The following CNTN4 variants were observed in gnomAD, a reference collection of about 807,000 sequenced individuals.
CNTN4 encodes the protein contactin 4, also known as contactin-4.
Under a neutral mutation model 122.5 loss-of-function variants are expected in CNTN4, and 77 were observed. The observed-to-expected ratio is 0.63, with a 90% CI of 0.52 to 0.76. The LOEUF (loss-of-function observed/expected upper bound fraction) is 0.76. Ranked by LOEUF, CNTN4 falls within the 30% of genes least tolerant of loss-of-function variation. The pLI is 0.00. For missense variants in CNTN4, 1,256 were observed against 1,259.1 expected, an observed-to-expected ratio of 1.00 and a Z score of 0.04; for synonymous variants, 512 against 447.0, an observed-to-expected ratio of 1.15 and a Z score of -1.83.
chr3:2,628,418 G>T (rs2082291992), intron 4 of CNTN4, among the ~76,000 whole-genome samples: 1 of 152,180 alleles, frequency 6.6e-6, no homozygotes, highest in Non-Finnish European at 1.5e-5. Flanking sequence ...CTGTTCCACA[G>T]TGCTGTGACC....
intron 2 of CNTN4, among the ~76,000 whole-genome samples, chr3:2,267,119 G>A (rs748705306): frequency 1.8e-4 from 27 of 152,106 alleles, no homozygotes; most frequent in Non-Finnish European, 3.5e-4. Context: ...GTGTCGGAAA[G>A]ATAGCATTCA....
At chr3:2,604,534 T>C (rs1384998747) in intron 4 of CNTN4, among the ~76,000 whole-genome samples, 1 of 151,980 alleles carries the variant, frequency 6.6e-6, no homozygotes, top group African/African-American at 2.4e-5. Flanking sequence ...AGAGGAAGAA[T>C]AAAGTAGGGC....
chr3:2,974,983 G>A (rs557669533), intron 13 of CNTN4, among the ~76,000 whole-genome samples: 65 of 152,200 alleles, frequency 4.3e-4, no homozygotes, highest in Middle Eastern at 3.4e-3. Context: ...TATATATTCT[G>A]TATAGTGGGC....
At position 3,056,312 on chromosome 3, in the gene CNTN4, C is replaced by T; in HGVS notation, c.*92C>T. 1 of 937,926 alleles carries T rather than the reference C, an allele frequency of 1.1e-6. No individual in the cohort carries two copies. Among genetic ancestry groups the T allele is most frequent in the Middle Eastern group, 2.1e-4 (1 of 4,682 alleles). 58.1% of individuals were successfully genotyped at this position (937,926 alleles called of 1,614,324 possible). On this transcript the variant is annotated 3_prime_UTR_variant, in exon 25 of 25. Transcript: ENST00000418658. ...CCCAGTACTAAGTAATATTGTTGTT[C>T]AAGTACATCTTATTACTGGAATAAA...
At chr3:3,042,713 A>G (rs1700276397) in intron 21 of CNTN4, 1 of 587,050 alleles carries the variant, frequency 1.7e-6, no homozygotes, top group Admixed American at 3.0e-5. Flanking sequence ...ACTTTGACTC[A>G]AAACAAACAT....
intron 3 of CNTN4, among the ~76,000 whole-genome samples, chr3:2,560,121 A>G (rs1199893089): frequency 6.6e-6 from 1 of 150,980 alleles, no homozygotes; most frequent in Non-Finnish European, 1.5e-5. Flanking sequence ...TTATATTGTT[A>G]TTATTATTAT....
chr3:2,824,433 GGCGACAGA>G (rs1343710787), intron 7 of CNTN4, among the ~76,000 whole-genome samples: 1 of 151,356 alleles, frequency 6.6e-6, no homozygotes, highest in Non-Finnish European at 1.5e-5. Flanking sequence ...CTCCAGCCTG[GGCGACAGA>G]GCGAGACTCT....
intron 3 of CNTN4, among the ~76,000 whole-genome samples, chr3:2,481,937 T>C (rs1167777054): frequency 6.6e-6 from 1 of 152,208 alleles, no homozygotes; most frequent in Non-Finnish European, 1.5e-5. Context: ...TCAATTAAAC[T>C]TCTTTTCTTT....
chr3:2,879,573 A>G (rs7641179), intron 8 of CNTN4, among the ~76,000 whole-genome samples: 38,628 of 152,098 alleles, frequency 0.25, 5,003 homozygotes, highest in Middle Eastern at 0.35. Context: ...GCTATGTTCA[A>G]TGAAAGGAGC....
rs1005912066 is a variant in CNTN4 at position 2,106,995 on chromosome 3, A to G, written c.-145+6356A>G. On this transcript the variant is annotated intron_variant, in intron 2 of 24. Coordinates refer to ENST00000418658, the MANE Select transcript of CNTN4 (RefSeq NM_175607.3). ...AGTTCTCGATAAGTTCCTCATCTCC[A>G]TCTGACCTGGACTTCATTGTCCAAA... 3.9e-5 allele frequency among the ~76,000 whole-genome samples: 6 copies of G among 152,302 alleles called. No homozygotes were observed. The South Asian group carries it at 8.3e-4, about 21-fold the overall frequency.
chr3:2,959,982 A>G (rs775178448), intron 13 of CNTN4, among the ~76,000 whole-genome samples: 50 of 152,218 alleles, frequency 3.3e-4, no homozygotes, highest in Non-Finnish European at 5.9e-4. Context: ...GGCATGAAAC[A>G]CTGCAGTTCT....
At chr3:2,122,804 T>A (rs1471457029) in intron 2 of CNTN4, among the ~76,000 whole-genome samples, 2 of 152,322 alleles carry the variant, frequency 1.3e-5, no homozygotes, top group African/African-American at 2.4e-5. Context: ...TGTCAACATT[T>A]GCAACTTTCA....
intron 3 of CNTN4, among the ~76,000 whole-genome samples, chr3:2,400,299 A>G (rs2046791042): frequency 6.6e-6 from 1 of 150,476 alleles, no homozygotes; most frequent in African/African-American, 2.4e-5. Flanking sequence ...TCCATAATAT[A>G]TATGTACACA....
intron 6 of CNTN4, among the ~76,000 whole-genome samples, chr3:2,794,840 A>G (rs777298988): frequency 2.5e-4 from 38 of 152,180 alleles, no homozygotes; most frequent in Non-Finnish European, 5.1e-4. Context: ...ACAGACTGCT[A>G]TCTTGTCACT....
chr3:2,311,397 T>C (rs1416605977), intron 2 of CNTN4, among the ~76,000 whole-genome samples: 1 of 152,172 alleles, frequency 6.6e-6, no homozygotes, highest in Non-Finnish European at 1.5e-5. Context: ...ATTAAAAATA[T>C]ATCAAACAGA....
intron 4 of CNTN4, among the ~76,000 whole-genome samples, chr3:2,708,143 T>G (rs1312461943): frequency 6.6e-6 from 1 of 152,202 alleles, no homozygotes; most frequent in African/African-American, 2.4e-5. Flanking sequence ...TTGGCCTGTA[T>G]TATATTTCAA....
At chr3:2,187,542 C>A (rs1365533575) in intron 2 of CNTN4, among the ~76,000 whole-genome samples, 1 of 152,124 alleles carries the variant, frequency 6.6e-6, no homozygotes, top group Non-Finnish European at 1.5e-5. Flanking sequence ...CCTAGGTTCA[C>A]GATCAGCTGT....
chr3:2,827,177 C>G (rs1268436626), intron 7 of CNTN4, among the ~76,000 whole-genome samples: 1 of 152,154 alleles, frequency 6.6e-6, no homozygotes, highest in Non-Finnish European at 1.5e-5. Flanking sequence ...AGGAAGCAGT[C>G]CCTGTACTTC....
chr3:2,260,819 C>T (rs928657441), intron 2 of CNTN4, among the ~76,000 whole-genome samples: 2 of 149,624 alleles, frequency 1.3e-5, no homozygotes, highest in African/African-American at 2.5e-5. Flanking sequence ...CCTCTGCCTC[C>T]CAGTTCCCAG....
Sources: gnomAD v4.1 joint callset for allele counts (sites outside exome capture counted in the v4.1 genomes callset) on GRCh38, gnomAD v4.1.1 for gene constraint, MANE v1.5 for transcripts, NCBI Gene and HGNC (gene_info 2026-07-23, HGNC 2026-07-21) for gene names.